Variants in LRRC4C observed in about 807,000 individuals in gnomAD.
LRRC4C encodes the protein leucine rich repeat containing 4C.
In LRRC4C, 5 loss-of-function variants were observed where a neutral mutation model predicts 33.6. The observed-to-expected ratio is 0.15, with a 90% CI of 0.08 to 0.31. The LOEUF is 0.31. Ranked by LOEUF, LRRC4C falls within the 10% of genes least tolerant of loss-of-function variation. The pLI is 1.00. For missense variants in LRRC4C, 560 were observed against 796.7 expected (o/e 0.70, Z 3.58); for synonymous variants, 329 against 302.0 (o/e 1.09, Z -0.93).
At chr11:41,220,555 C>T (rs1947261472) in intron 1 of LRRC4C, among the ~76,000 whole-genome samples, 1 of 150,806 alleles carries the variant, frequency 6.6e-6, no homozygotes, top group South Asian at 2.1e-4. Flanking sequence ...CACACACACA[C>T]ACACACAATT....
chr11:40,143,720 TTC>T (rs1259077967), intron 5 of LRRC4C, among the ~76,000 whole-genome samples: 1 of 152,228 alleles, frequency 6.6e-6, no homozygotes, highest in Non-Finnish European at 1.5e-5. Context: ...GTTCTCATAA[TTC>T]TCTGTCCCCT....
At chr11:40,174,597 A>G (rs1860319115) in intron 5 of LRRC4C, among the ~76,000 whole-genome samples, 1 of 152,150 alleles carries the variant, frequency 6.6e-6, no homozygotes, top group African/African-American at 2.4e-5. Context: ...CATATTTCTG[A>G]AGTAGCCATA....
chr11:41,168,325 T>C (rs1944821939), intron 1 of LRRC4C, among the ~76,000 whole-genome samples: 1 of 152,172 alleles, frequency 6.6e-6, no homozygotes, highest in African/African-American at 2.4e-5. Flanking sequence ...GATAACAGCT[T>C]ACAATTGATG....
At chr11:40,969,964 T>G (rs1457892916) in intron 1 of LRRC4C, among the ~76,000 whole-genome samples, 1 of 152,020 alleles carries the variant, frequency 6.6e-6, no homozygotes, top group Non-Finnish European at 1.5e-5. Flanking sequence ...CAGAAGTGAG[T>G]GTCTGCCTGT....
intron 3 of LRRC4C, among the ~76,000 whole-genome samples, chr11:40,376,291 G>A (rs184940085): frequency 1.3e-5 from 2 of 152,192 alleles, no homozygotes; most frequent in African/African-American, 2.4e-5. Context: ...ACAACCTCAA[G>A]CACATAACTT....
At chr11:41,217,412 T>G (rs1424031841) in intron 1 of LRRC4C, among the ~76,000 whole-genome samples, 1 of 152,198 alleles carries the variant, frequency 6.6e-6, no homozygotes, top group African/African-American at 2.4e-5. Flanking sequence ...GAATACCCCT[T>G]AAGCAACTTG....
chr11:40,309,593 C>T (rs1945203010), intron 4 of LRRC4C, among the ~76,000 whole-genome samples: 1 of 151,782 alleles, frequency 6.6e-6, no homozygotes, highest in South Asian at 2.1e-4. Context: ...GCAACCTCCA[C>T]CTCTACGACT....
intron 1 of LRRC4C, among the ~76,000 whole-genome samples, chr11:41,357,062 A>G: frequency 6.6e-6 from 1 of 152,006 alleles, no homozygotes; most frequent in Non-Finnish European, 1.5e-5. Context: ...AAAAAATACC[A>G]ACAGCATTTA....
At chr11:40,977,498 A>G (rs768537335) in intron 1 of LRRC4C, among the ~76,000 whole-genome samples, 3 of 152,268 alleles carry the variant, frequency 2.0e-5, no homozygotes, top group South Asian at 2.1e-4. Context: ...CACAGTGACT[A>G]TAAGTCTCTG....
chr11:40,382,732 C>T (rs144825254), intron 3 of LRRC4C, among the ~76,000 whole-genome samples: 37 of 123,390 alleles, frequency 3.0e-4, no homozygotes, highest in African/African-American at 8.6e-4. Flanking sequence ...CTCGCTCTGT[C>T]GCCCAGGCTG....
intron 2 of LRRC4C, among the ~76,000 whole-genome samples, chr11:40,772,974 A>AT (rs1238694004): frequency 3.9e-5 from 6 of 152,214 alleles, no homozygotes; most frequent in Non-Finnish European, 7.4e-5. Context: ...AGATGAATTA[A>AT]TAAAGGAAAT....
At chr11:40,720,445 T>C (rs757170398) in intron 2 of LRRC4C, among the ~76,000 whole-genome samples, 3 of 152,220 alleles carry the variant, frequency 2.0e-5, no homozygotes, top group Non-Finnish European at 2.9e-5. Flanking sequence ...GAAAAATTAA[T>C]AGACTTGATC....
intron 1 of LRRC4C, among the ~76,000 whole-genome samples, chr11:41,304,089 T>C (rs1277680095): frequency 2.1e-5 from 1 of 48,386 alleles, no homozygotes; most frequent in Non-Finnish European, 5.1e-5. Context: ...GTCCGGGAGG[T>C]GAGGGGCGCC....
intron 1 of LRRC4C, among the ~76,000 whole-genome samples, chr11:40,962,864 C>A (rs1315548941): frequency 6.6e-6 from 1 of 151,690 alleles, no homozygotes; most frequent in African/African-American, 2.4e-5. Context: ...AATAGTCTCA[C>A]AATTCTACAA....
In LRRC4C at chr11:40,486,167, A is replaced by T. The variant is rs923662143; in HGVS notation, c.-270+161975T>A. 2.6e-5 allele frequency among the ~76,000 whole-genome samples: 4 copies of T among 151,686 alleles called. No homozygotes were observed. The South Asian group carries it at 8.3e-4, about 31-fold the overall frequency. On this transcript the variant is annotated intron_variant, in intron 3 of 6. Coordinates refer to ENST00000528697, the MANE Select transcript of LRRC4C (RefSeq NM_001258419.2). Reference sequence around the variant, plus strand: ...AAGACAAAAGTTTAAAAAAAAAAAAAAAAAGGAGCCAGAGTTAGAATCACT... The same window carrying T: ...AAGACAAAAGTTTAAAAAAAAAAAATAAAAGGAGCCAGAGTTAGAATCACT...
intron 1 of LRRC4C, among the ~76,000 whole-genome samples, chr11:41,389,594 T>A (rs572629825): frequency 1.7e-5 from 2 of 119,322 alleles, no homozygotes; most frequent in Non-Finnish European, 3.3e-5. Flanking sequence ...ATTTCTCAAG[T>A]TCAGCTGTAA....
chr11:40,442,205 T>C (rs1193818630), intron 3 of LRRC4C, among the ~76,000 whole-genome samples: 1 of 149,110 alleles, frequency 6.7e-6, no homozygotes, highest in Non-Finnish European at 1.5e-5. Context: ...CTGCCTAGTA[T>C]TCCTTCATTG....
At chr11:40,271,603 G>A (rs1942703246) in intron 4 of LRRC4C, among the ~76,000 whole-genome samples, 1 of 152,082 alleles carries the variant, frequency 6.6e-6, no homozygotes, top group African/African-American at 2.4e-5. Context: ...GTAGGCTTTG[G>A]CATTTCTCTG....
chr11:40,303,127 G>T (rs889276219), intron 4 of LRRC4C, among the ~76,000 whole-genome samples: 7 of 152,120 alleles, frequency 4.6e-5, no homozygotes, highest in African/African-American at 1.7e-4. Context: ...TATCCCAGAG[G>T]CAGTATGCAG....
Sources: gnomAD v4.1 joint callset for allele counts (sites outside exome capture counted in the v4.1 genomes callset) on GRCh38, gnomAD v4.1.1 for gene constraint, MANE v1.5 for transcripts, NCBI Gene and HGNC (gene_info 2026-07-23, HGNC 2026-07-21) for gene names.